Variants in ARVCF observed in about 807,000 individuals in gnomAD.
ARVCF encodes the protein ARVCF delta catenin family member.
A neutral mutation model predicts 90.9 loss-of-function variants in ARVCF; 66 were observed. The observed-to-expected ratio is 0.73, with a 90% CI of 0.60 to 0.89. The LOEUF (loss-of-function observed/expected upper bound fraction) is 0.89. Ranked by LOEUF, ARVCF falls within the 40% of genes least tolerant of loss-of-function variation. The probability of loss-of-function intolerance (pLI) is 0.00; values close to 1 mark genes in which losing one functional copy is unlikely to be tolerated. For synonymous variants in ARVCF, 653 were observed against 603.4 expected, an observed-to-expected ratio of 1.08 and a Z score of -1.21; for missense variants, 1,469 against 1,382.3, an observed-to-expected ratio of 1.06 and a Z score of -1.00.
intron 3 of ARVCF, among the ~76,000 whole-genome samples, chr22:19,986,402 A>T (rs1943766812): frequency 6.6e-6 from 1 of 152,162 alleles, no homozygotes; most frequent in African/African-American, 2.4e-5. Flanking sequence ...CTCTGAGCAG[A>T]GGACAAACTG....
At chr22:20,005,727 C>T (rs906944681) in intron 2 of ARVCF, among the ~76,000 whole-genome samples, 4 of 149,470 alleles carry the variant, frequency 2.7e-5, no homozygotes, top group Non-Finnish European at 5.9e-5. Context: ...ACTTGGGAGG[C>T]GGAGCTTGCA....
intron 2 of ARVCF, among the ~76,000 whole-genome samples, chr22:20,008,796 A>T (rs919604879): frequency 3.3e-5 from 5 of 152,202 alleles, no homozygotes; most frequent in African/African-American, 9.7e-5. Context: ...AGACATGAAA[A>T]ACCAATCACC....
At chr22:20,003,724 A>G (rs1389035737) in intron 2 of ARVCF, among the ~76,000 whole-genome samples, 2 of 152,252 alleles carry the variant, frequency 1.3e-5, no homozygotes. Flanking sequence ...AACTTTCTCA[A>G]CATGATGAAA....
At chr22:19,971,470 G>A (rs925453650) in intron 18 of ARVCF, 135 bp from the exon 19 acceptor site, 141 of 1,125,864 alleles carry the variant, frequency 1.3e-4, no homozygotes, top group Middle Eastern at 5.6e-4. Flanking sequence ...AGCACCAAGG[G>A]CGCAGGGAGC....
chr22:20,016,450 G>C (rs1334311764), intron 1 of ARVCF, 139 bp downstream of exon 1: 3 of 152,118 alleles, frequency 2.0e-5, no homozygotes, highest in Non-Finnish European at 4.4e-5. Context: ...CCCTCGCCCG[G>C]ATCTCGACTC....
At chr22:19,972,679 AGGCAACTGG>A in intron 16 of ARVCF, 49 bp downstream of exon 16, 1 of 1,517,414 alleles carries the variant, frequency 6.6e-7, no homozygotes, top group Non-Finnish European at 8.9e-7. Context: ...CCCAAGGGTC[AGGCAACTGG>A]GGCAGCTGGG....
intron 2 of ARVCF, among the ~76,000 whole-genome samples, chr22:20,005,688 C>T (rs991045816): frequency 6.6e-6 from 1 of 151,734 alleles, no homozygotes; most frequent in Non-Finnish European, 1.5e-5. Context: ...GGCGTGGTGA[C>T]AGGCGCCTGT....
chr22:19,987,462 GC>G (rs947040315), intron 3 of ARVCF, among the ~76,000 whole-genome samples: 2 of 144,398 alleles, frequency 1.4e-5, no homozygotes, highest in African/African-American at 5.1e-5. Context: ...TCACTTTCCC[GC>G]CGAAAGACTT....
At chr22:20,007,991 CAG>C (rs36033534) in intron 2 of ARVCF, among the ~76,000 whole-genome samples, 26,233 of 152,172 alleles carry the variant, frequency 0.17, 2,778 homozygotes, top group Middle Eastern at 0.26. Context: ...GTTGACTACA[CAG>C]AGAGACGGAA....
At chr22:19,994,524 G>C (rs1304643478) in intron 2 of ARVCF, among the ~76,000 whole-genome samples, 2 of 114,490 alleles carry the variant, frequency 1.7e-5, no homozygotes, top group Non-Finnish European at 1.8e-5. Context: ...ATGGGTGGGT[G>C]GGGGGATGGT....
chr22:20,004,439 G>A (rs528003729), intron 2 of ARVCF, among the ~76,000 whole-genome samples: 2 of 149,476 alleles, frequency 1.3e-5, no homozygotes, highest in African/African-American at 2.5e-5. Flanking sequence ...AGTAAGCTAG[G>A]ATCACACCAT....
rs750163929 is a variant in ARVCF, at chr22:19,981,991, G to A, written c.311C>T (p.Thr104Ile). Reference protein sequence around the residue: ...VTVEEDPGTPTSHVSIVTSED... With the variant: ...VTVEEDPGTPISHVSIVTSED... ...GGATGTGACAATAGACACATGGGAAGTGGGTGTGCCGGGGTCCTCCTCCAC... is the reference window on the plus strand; with the variant it reads ...GGATGTGACAATAGACACATGGGAAATGGGTGTGCCGGGGTCCTCCTCCAC... The change falls in exon 4 of 20, where the codon ACT (threonine) becomes ATT (isoleucine). Residue 104 changes from threonine (T) to isoleucine (I), a missense_variant. Coordinates refer to ENST00000263207, the MANE Select transcript of ARVCF (RefSeq NM_001670.3). The A allele has an allele frequency of 4.3e-6, 7 of 1,613,254 alleles. No homozygotes were observed. The highest frequency in any genetic ancestry group is 3.3e-5 in the Admixed American group (2 of 60,012).
chr22:19,979,721 A>T (rs1943373936), intron 6 of ARVCF, 22 bp downstream of exon 6: 5 of 1,576,836 alleles, frequency 3.2e-6, no homozygotes, highest in Non-Finnish European at 4.3e-6. Context: ...AGGGGATGTG[A>T]GCATGGCCAG....
In ARVCF at chr22:19,970,495, C is replaced by G; in HGVS notation, c.*261G>C. The G allele has an allele frequency of 9.0e-7, 1 of 1,107,510 alleles. No individual in the cohort carries two copies. The highest frequency in any genetic ancestry group is 1.1e-6 in the Non-Finnish European group (1 of 896,226). The allele number at this position is 1,107,510 out of a possible 1,614,324, so 68.6% of individuals were successfully genotyped here. A position where few individuals can be genotyped will look rare whatever the true frequency, so the allele number is the denominator to read the frequency against. On this transcript the variant is annotated 3_prime_UTR_variant, in exon 20 of 20. Coordinates refer to ENST00000263207, the MANE Select transcript of ARVCF (RefSeq NM_001670.3). ...CTGCCCCAGCAGCCCAGTCGGCCTC[C>G]TCGGGCCTTCTGTCACTCGCTCACA... is the stretch of plus-strand genomic sequence containing the variant.
chr22:20,010,047 CTG>C (rs1491029807), intron 2 of ARVCF, among the ~76,000 whole-genome samples: 3 of 152,210 alleles, frequency 2.0e-5, no homozygotes, highest in Non-Finnish European at 4.4e-5. Flanking sequence ...GCTCCAGTCT[CTG>C]GGGGGCAAGC....
chr22:20,006,670 T>A (rs1021964038), intron 2 of ARVCF, among the ~76,000 whole-genome samples: 2 of 147,988 alleles, frequency 1.4e-5, no homozygotes, highest in Non-Finnish European at 3.0e-5. Flanking sequence ...TCTTGCCCTG[T>A]CGCCAGGCTA....
Position 19,973,234 on chromosome 22 carries a change from T to G in ARVCF, c.2323A>C (p.Thr775Pro), listed in dbSNP as rs778661191. 1.2e-6 allele frequency: 2 copies of G among 1,610,624 alleles called. No homozygotes were observed. The highest frequency in any genetic ancestry group is 1.7e-6 in the Non-Finnish European group (2 of 1,179,228). The change falls in exon 14 of 20, where the codon ACC (threonine) becomes CCC (proline). Residue 775 changes from threonine (T) to proline (P), a missense_variant. By Grantham distance (38) the Thr-to-Pro change is conservative. Coordinates refer to ENST00000263207, the MANE Select transcript of ARVCF (RefSeq NM_001670.3). ...PRPGACLEED[T>P]VVAVLNTIHE... ...ATGGTGTTGAGCACCGCCACCACGG[T>G]GTCTTCCTCCAGGCAGGCCCCCGGT... is the stretch of plus-strand genomic sequence containing the variant.
chr22:20,008,050 A>C (rs1944696155), intron 2 of ARVCF, among the ~76,000 whole-genome samples: 1 of 152,254 alleles, frequency 6.6e-6, no homozygotes. Flanking sequence ...ACAAAATATG[A>C]AACATTTTTG....
chr22:19,983,997 G>A lies in ARVCF; in HGVS notation c.211-1906C>T, dbSNP rs1601615015. ...TGCCCCATCTGTATCTGGCAAATGT[G>A]TGTCAGGCCCTGAGCTCTCTCTGCT... On this transcript the variant is annotated intron_variant, in intron 3 of 19. Transcript: ENST00000263207. Among the ~76,000 whole-genome samples, 2 of 152,314 alleles carry A rather than the reference G, an allele frequency of 1.3e-5. 1 individual carries two copies. Among genetic ancestry groups the A allele is most frequent in the South Asian group, 4.1e-4 (2 of 4,830 alleles).
Sources: gnomAD v4.1 joint callset for allele counts (sites outside exome capture counted in the v4.1 genomes callset) on GRCh38, gnomAD v4.1.1 for gene constraint, MANE v1.5 for transcripts, NCBI Gene and HGNC (gene_info 2026-07-23, HGNC 2026-07-21) for gene names.